DPP10: variants seen among roughly 807,000 people sequenced by gnomAD.
DPP10 encodes the protein inactive dipeptidyl peptidase 10.
Under a neutral mutation model 120.9 loss-of-function variants are expected in DPP10, and 33 were observed. That is an observed-to-expected ratio of 0.27 (90% confidence interval 0.21 to 0.37). The LOEUF (loss-of-function observed/expected upper bound fraction) is 0.37. DPP10 is among the 10% of genes least tolerant of loss of function. The pLI is 1.00. For missense variants in DPP10, 816 were observed against 942.8 expected (o/e 0.87, Z 1.76); for synonymous variants, 337 against 326.1 (o/e 1.03, Z -0.36).
intron 5 of DPP10, chr2:115,526,240 A>C (rs1182931760): frequency 2.9e-6 from 1 of 342,248 alleles, no homozygotes; most frequent in Non-Finnish European, 5.3e-6. Context: ...GGCAGAGTTT[A>C]GCAAATCCAA....
At chr2:115,421,119 T>C (rs1472407389) in intron 3 of DPP10, among the ~76,000 whole-genome samples, 2 of 152,044 alleles carry the variant, frequency 1.3e-5, no homozygotes, top group Non-Finnish European at 1.5e-5. Flanking sequence ...TTCCCCACCT[T>C]TCTCAATTGC....
At chr2:115,376,499 A>T (rs2065804797) in intron 3 of DPP10, among the ~76,000 whole-genome samples, 2 of 151,352 alleles carry the variant, frequency 1.3e-5, no homozygotes, top group Non-Finnish European at 1.5e-5. Context: ...GAATTTCACC[A>T]GTGGACACTT....
intron 1 of DPP10, among the ~76,000 whole-genome samples, chr2:114,954,226 G>A (rs373824130): frequency 2.0e-5 from 3 of 151,514 alleles, no homozygotes; most frequent in South Asian, 2.1e-4. Flanking sequence ...GACTACAGGC[G>A]CCCGCCACCA....
At chr2:115,655,278 C>G (rs1348037686) in intron 5 of DPP10, among the ~76,000 whole-genome samples, 1 of 151,500 alleles carries the variant, frequency 6.6e-6, no homozygotes, top group Non-Finnish European at 1.5e-5. Context: ...AATTAAGAGT[C>G]TAGGACACAA....
At chr2:114,712,048 G>A (rs1415340046) in intron 1 of DPP10, among the ~76,000 whole-genome samples, 3 of 152,108 alleles carry the variant, frequency 2.0e-5, no homozygotes, top group African/African-American at 7.2e-5. Flanking sequence ...GGCTGGGCAC[G>A]GTGGCTCACA....
At chr2:114,724,151 C>T (rs909096734) in intron 1 of DPP10, among the ~76,000 whole-genome samples, 1 of 152,104 alleles carries the variant, frequency 6.6e-6, no homozygotes, top group African/African-American at 2.4e-5. Flanking sequence ...ATTATCAGGC[C>T]CAGAGAGGCT....
At chr2:114,509,998 T>C (rs567374399) in intron 1 of DPP10, among the ~76,000 whole-genome samples, 190 of 152,056 alleles carry the variant, frequency 1.2e-3, no homozygotes, top group Middle Eastern at 6.8e-3. Flanking sequence ...AAAGACTTCA[T>C]GGACAGAGTG....
intron 12 of DPP10, among the ~76,000 whole-genome samples, chr2:115,766,320 A>C (rs891665567): frequency 1.2e-5 from 1 of 81,446 alleles, no homozygotes; most frequent in African/African-American, 4.4e-5. Flanking sequence ...GTATATATAT[A>C]TATATGTATA....
At chr2:115,329,098 A>G (rs1274609797) in intron 2 of DPP10, among the ~76,000 whole-genome samples, 1 of 152,052 alleles carries the variant, frequency 6.6e-6, no homozygotes, top group Non-Finnish European at 1.5e-5. Flanking sequence ...TATCCTAAAT[A>G]TTATTTCTAT....
intron 1 of DPP10, among the ~76,000 whole-genome samples, chr2:115,261,061 T>A (rs2059229936): frequency 6.6e-6 from 1 of 152,124 alleles, no homozygotes; most frequent in African/African-American, 2.4e-5. Flanking sequence ...TCATAGCCAA[T>A]AAATTCAAAC....
intron 1 of DPP10, among the ~76,000 whole-genome samples, chr2:114,974,913 C>T (rs1509740): frequency 0.99 from 150,034 of 152,090 alleles, 74,030 homozygotes; most frequent in Non-Finnish European, 1. Flanking sequence ...CTGTCGTATC[C>T]ATAAAAATTA....
chr2:114,898,805 A>C (rs1434660218), intron 1 of DPP10, among the ~76,000 whole-genome samples: 4 of 152,232 alleles, frequency 2.6e-5, no homozygotes, highest in Non-Finnish European at 5.9e-5. Context: ...GTATCAATAT[A>C]TTCAAGAAAA....
chr2:114,651,778 G>A (rs1056676533), intron 1 of DPP10, among the ~76,000 whole-genome samples: 1 of 152,140 alleles, frequency 6.6e-6, no homozygotes, highest in African/African-American at 2.4e-5. Flanking sequence ...TGCAGCTAGT[G>A]TTGAAAATCA....
At chr2:115,672,700 T>TTCTTTCTTTCTTTCTA in intron 5 of DPP10, among the ~76,000 whole-genome samples, 1 of 147,240 alleles carries the variant, frequency 6.8e-6, no homozygotes, top group South Asian at 2.2e-4. Context: ...CTTTCTTTCT[T>TTCTTTCTTTCTTTCTA]TCTTTCTTTC....
chr2:115,279,149 A>G (rs2060035799), intron 1 of DPP10, among the ~76,000 whole-genome samples: 4 of 152,216 alleles, frequency 2.6e-5, no homozygotes, highest in African/African-American at 9.6e-5. Flanking sequence ...CTCAGAAGCC[A>G]TTCTTACATG....
intron 3 of DPP10, among the ~76,000 whole-genome samples, chr2:115,459,938 T>TATATATATATATATATATATACACAC (rs66927327): frequency 1.2e-4 from 15 of 128,502 alleles, no homozygotes; most frequent in African/African-American, 3.0e-4. Flanking sequence ...TATATATATA[T>TATATATATATATATATATATACACAC]ACACACACAC....
chr2:115,588,634 C>G (rs184969648), intron 5 of DPP10, among the ~76,000 whole-genome samples: 5 of 152,342 alleles, frequency 3.3e-5, no homozygotes, highest in Admixed American at 6.5e-5. Flanking sequence ...TTTTAAATGT[C>G]AGTCCCACAT....
chr2:114,992,037 T>C (rs1239516246), intron 1 of DPP10, among the ~76,000 whole-genome samples: 4 of 152,238 alleles, frequency 2.6e-5, no homozygotes, highest in African/African-American at 4.8e-5. Flanking sequence ...TCATGCCTCA[T>C]AGAAATATTA....
chr2:115,334,623 G>T (rs1392796630), intron 2 of DPP10, among the ~76,000 whole-genome samples: 1 of 151,836 alleles, frequency 6.6e-6, no homozygotes, highest in Non-Finnish European at 1.5e-5. Context: ...TTCATATTGT[G>T]TTTCTAAAAG....
Sources: allele counts gnomAD v4.1 joint callset (sites outside exome capture counted in the v4.1 genomes callset), GRCh38; gene constraint gnomAD v4.1.1; transcripts MANE v1.5; gene names NCBI Gene and HGNC (gene_info 2026-07-23, HGNC 2026-07-21).